The following GPC6 variants were observed in gnomAD, a reference collection of about 807,000 sequenced individuals.
GPC6 encodes glypican 6, also known as glypican-6.
In GPC6, 14 loss-of-function variants were observed where a neutral mutation model predicts 55.2. The ratio of observed to expected loss-of-function variants is 0.25; its 90% CI spans 0.17 to 0.40. The LOEUF (loss-of-function observed/expected upper bound fraction) is 0.40, where lower values mean the gene tolerates loss of function less well. Among genes scored for constraint, GPC6 ranks in the 10% least tolerant of loss-of-function variants. The probability of loss-of-function intolerance (pLI) is 1.00; values close to 1 mark genes in which losing one functional copy is unlikely to be tolerated. For synonymous variants in GPC6, 278 were observed against 259.6 expected (o/e 1.07, Z -0.68); for missense variants, 641 against 708.5 (o/e 0.90, Z 1.08).
intron 3 of GPC6, among the ~76,000 whole-genome samples, chr13:93,879,608 A>T (rs1283169304): frequency 1.3e-5 from 2 of 150,730 alleles, no homozygotes; most frequent in East Asian, 3.9e-4. Context: ...AACCATAAAA[A>T]CCCTAGAAGA....
At chr13:94,339,428 C>A (rs1339913935) in intron 6 of GPC6, among the ~76,000 whole-genome samples, 1 of 152,200 alleles carries the variant, frequency 6.6e-6, no homozygotes, top group African/African-American at 2.4e-5. Context: ...ATAAGTTACG[C>A]GATGTAACTT....
At chr13:93,436,104 T>G (rs1877562024) in intron 1 of GPC6, among the ~76,000 whole-genome samples, 1 of 152,162 alleles carries the variant, frequency 6.6e-6, no homozygotes. Flanking sequence ...TAAGTGTAAC[T>G]GTAACCTAGA....
At chr13:93,295,689 G>A (rs1010197394) in intron 1 of GPC6, among the ~76,000 whole-genome samples, 2 of 151,898 alleles carry the variant, frequency 1.3e-5, no homozygotes, top group African/African-American at 2.4e-5. Flanking sequence ...CACTGTGTTA[G>A]CCAGGATGGT....
chr13:93,459,527 C>T (rs1486221694), intron 1 of GPC6, among the ~76,000 whole-genome samples: 2 of 152,126 alleles, frequency 1.3e-5, no homozygotes, highest in East Asian at 1.9e-4. Flanking sequence ...CGGACTTTAA[C>T]AGTAGACCTG....
intron 7 of GPC6, among the ~76,000 whole-genome samples, chr13:94,383,014 T>C (rs1414948776): frequency 1.3e-5 from 2 of 152,182 alleles, no homozygotes; most frequent in East Asian, 3.9e-4. Context: ...ACAGAAAATG[T>C]CTGAGGGACA....
chr13:93,975,873 G>A (rs1327139106), intron 3 of GPC6, among the ~76,000 whole-genome samples: 12 of 152,092 alleles, frequency 7.9e-5, no homozygotes, highest in Admixed American at 7.9e-4. Flanking sequence ...TCCCTGGGTA[G>A]CCAAAATGCA....
rs934682048 is a variant in GPC6, at chr13:93,511,140, G to T, written c.161-34123G>T. On this transcript the variant is annotated intron_variant, in intron 1 of 8. Transcript: ENST00000377047. ...TGCAAATATTTTCCCCCATTCAACA[G>T]GTTGTCTCTTTACTCTGTTTATTAT... is the stretch of plus-strand genomic sequence containing the variant. Among the ~76,000 whole-genome samples, 3 of 149,260 alleles carry T rather than the reference G, an allele frequency of 2.0e-5. No homozygotes were observed. In the East Asian group the frequency reaches 5.9e-4, roughly 29 times the overall value.
At chr13:94,237,085 G>T (rs1360154917) in intron 4 of GPC6, among the ~76,000 whole-genome samples, 1 of 152,076 alleles carries the variant, frequency 6.6e-6, no homozygotes, top group African/African-American at 2.4e-5. Flanking sequence ...AGAAGTTAGT[G>T]GTTGGCTTTG....
chr13:93,563,522 C>G (rs1445835254), intron 2 of GPC6, among the ~76,000 whole-genome samples: 1 of 152,024 alleles, frequency 6.6e-6, no homozygotes, highest in Non-Finnish European at 1.5e-5. Context: ...GGCAGGATCC[C>G]AGTTTAACAG....
chr13:93,622,635 A>T lies in GPC6; in HGVS notation c.319+77214A>T, dbSNP rs1426858379. Among the ~76,000 whole-genome samples, 7 of 152,174 alleles carry T rather than the reference A, an allele frequency of 4.6e-5. No homozygotes were observed. In the South Asian group the frequency reaches 1.4e-3, roughly 32 times the overall value. On this transcript the variant is annotated intron_variant, in intron 2 of 8. Transcript: ENST00000377047. ...TTTTAGTTTTATTTTATTTTAATTG[A>T]CATGTAATAAGTGTACATATTTATG... is the stretch of plus-strand genomic sequence containing the variant.
At chr13:93,298,655 C>G (rs1040205668) in intron 1 of GPC6, among the ~76,000 whole-genome samples, 2 of 151,394 alleles carry the variant, frequency 1.3e-5, no homozygotes, top group African/African-American at 4.9e-5. Context: ...CCTATCTTTC[C>G]TAGGCTAGTC....
intron 4 of GPC6, among the ~76,000 whole-genome samples, chr13:94,150,424 A>G (rs1218249515): frequency 6.6e-6 from 1 of 152,000 alleles, no homozygotes; most frequent in African/African-American, 2.4e-5. Context: ...TCAGCTTTTT[A>G]GTGTGTCTTC....
intron 8 of GPC6, among the ~76,000 whole-genome samples, chr13:94,400,759 GGGA>G (rs1881092553): frequency 6.6e-6 from 1 of 152,194 alleles, no homozygotes; most frequent in Non-Finnish European, 1.5e-5. Flanking sequence ...CGGACTAGCA[GGGA>G]GGAGTTTAGG....
intron 4 of GPC6, among the ~76,000 whole-genome samples, chr13:94,256,562 A>C (rs201865816): frequency 1.3e-5 from 2 of 152,258 alleles, no homozygotes; most frequent in East Asian, 3.9e-4. Context: ...CATCTCCATC[A>C]TCATCATCCT....
chr13:93,298,074 C>G (rs139263079), intron 1 of GPC6, among the ~76,000 whole-genome samples: 1 of 152,326 alleles, frequency 6.6e-6, no homozygotes, highest in Non-Finnish European at 1.5e-5. Context: ...TCCAGAGTCA[C>G]ACATTCTGAC....
intron 2 of GPC6, among the ~76,000 whole-genome samples, chr13:93,550,355 T>A (rs1305767693): frequency 6.6e-6 from 1 of 152,166 alleles, no homozygotes; most frequent in Non-Finnish European, 1.5e-5. Context: ...ATATGAAGTT[T>A]TTTGTTTATG....
intron 1 of GPC6, among the ~76,000 whole-genome samples, chr13:93,406,145 C>G (rs999277298): frequency 2.6e-5 from 4 of 152,194 alleles, no homozygotes; most frequent in Admixed American, 1.3e-4. Flanking sequence ...GACTCTGCCT[C>G]TTGGTGGAAA....
chr13:93,740,424 T>C (rs995562712), intron 2 of GPC6, among the ~76,000 whole-genome samples: 1 of 152,168 alleles, frequency 6.6e-6, no homozygotes, highest in Admixed American at 6.5e-5. Context: ...TGTGCGGCAA[T>C]TAAGGATAAA....
rs373108111 is a variant in GPC6 at position 94,403,352 on chromosome 13, T to C, written c.*135T>C. ...CTATGAGAAGAGAGCAGTAATGCAA[T>C]CTGCCTCCCTTTTTGTTTTCCCAAA... On this transcript the variant is annotated 3_prime_UTR_variant, in exon 9 of 9. Coordinates refer to ENST00000377047, the MANE Select transcript of GPC6 (RefSeq NM_005708.5). The C allele has an allele frequency of 2.9e-4, 209 of 725,838 alleles. No individual in the cohort carries two copies. In the East Asian group the frequency reaches 4.2e-3, roughly 15 times the overall value. The allele number at this position is 725,838 out of a possible 1,614,324, so 45.0% of individuals were successfully genotyped here.
Sources: gnomAD v4.1 joint callset for allele counts (sites outside exome capture counted in the v4.1 genomes callset) on GRCh38, gnomAD v4.1.1 for gene constraint, MANE v1.5 for transcripts, NCBI Gene and HGNC (gene_info 2026-07-23, HGNC 2026-07-21) for gene names.